Variants in VRK2 observed in about 807,000 individuals in gnomAD.
VRK2 encodes serine/threonine-protein kinase VRK2.
In VRK2, 60 loss-of-function variants were observed where a neutral mutation model predicts 57.6. The ratio of observed to expected loss-of-function variants is 1.04; its 90% CI spans 0.85 to 1.29. VRK2 has a LOEUF of 1.29. Ranked by LOEUF, VRK2 falls within the 50% of genes most tolerant of loss-of-function variation. VRK2 has a pLI of 0.00. For missense variants in VRK2, 705 were observed against 588.1 expected (o/e 1.20, Z -2.06); for synonymous variants, 231 against 199.2 (o/e 1.16, Z -1.35).
At chr2:57,949,209 G>A (rs1671351399) in intron 1 of VRK2, among the ~76,000 whole-genome samples, 1 of 151,926 alleles carries the variant, frequency 6.6e-6, no homozygotes, top group South Asian at 2.1e-4. Context: ...AAAATAGAAG[G>A]GCTCTGATAA....
At chr2:58,078,588 G>A (rs1055976388) in intron 2 of VRK2, among the ~76,000 whole-genome samples, 16 of 152,004 alleles carry the variant, frequency 1.1e-4, no homozygotes, top group Non-Finnish European at 2.2e-4. Context: ...TTTTTATAGT[G>A]ATGGGGTAAT....
intron 1 of VRK2, among the ~76,000 whole-genome samples, chr2:57,937,832 T>A (rs1053121928): frequency 7.0e-6 from 1 of 142,638 alleles, no homozygotes; most frequent in Non-Finnish European, 1.5e-5. Context: ...TCTTTCTTTT[T>A]TTTTTTTTTT....
chr2:58,115,540 G>C (rs1676313378), intron 7 of VRK2, among the ~76,000 whole-genome samples: 1 of 134,200 alleles, frequency 7.5e-6, no homozygotes. Context: ...AAGACAGTAA[G>C]GTCAATTTGT....
intron 1 of VRK2, among the ~76,000 whole-genome samples, chr2:57,933,058 T>C (rs1328455063): frequency 6.6e-6 from 1 of 152,126 alleles, no homozygotes; most frequent in African/African-American, 2.4e-5. Flanking sequence ...TTCAGTCTTC[T>C]TAAACTTTAT....
chr2:57,930,393 C>G (rs930152103), intron 1 of VRK2, among the ~76,000 whole-genome samples: 4 of 152,300 alleles, frequency 2.6e-5, no homozygotes, highest in Admixed American at 6.5e-5. Context: ...CTCCCTCCCC[C>G]AAACACATAG....
intron 1 of VRK2, among the ~76,000 whole-genome samples, chr2:57,988,733 C>A (rs545102103): frequency 6.6e-6 from 1 of 152,302 alleles, no homozygotes; most frequent in African/African-American, 2.4e-5. Context: ...AGACCTTCAA[C>A]TCCCCTGGTT....
chr2:57,925,178 T>A (rs1670490468), intron 1 of VRK2, among the ~76,000 whole-genome samples: 1 of 152,072 alleles, frequency 6.6e-6, no homozygotes, highest in African/African-American at 2.4e-5. Flanking sequence ...CTTTTTTTGA[T>A]ATATCTTTGT....
intron 2 of VRK2, among the ~76,000 whole-genome samples, chr2:58,054,844 T>C (rs1676281120): frequency 6.6e-6 from 1 of 152,216 alleles, no homozygotes; most frequent in African/African-American, 2.4e-5. Flanking sequence ...CTGAACACTC[T>C]GTTGTATTCT....
intron 2 of VRK2, among the ~76,000 whole-genome samples, chr2:58,077,271 C>T (rs2104057923): frequency 6.6e-6 from 1 of 152,014 alleles, no homozygotes; most frequent in South Asian, 2.1e-4. Context: ...TTGTGTAGAA[C>T]CTAGAACACC....
In VRK2 at chr2:58,029,518, T is replaced by C. The variant is rs776100393; in HGVS notation, c.-332-3709T>C. ...AAAGAAAAAGTTAAAAGTACTCCTATATTGACCAAACTCTTGACCGGAAGA... is the reference window on the plus strand; with the variant it reads ...AAAGAAAAAGTTAAAAGTACTCCTACATTGACCAAACTCTTGACCGGAAGA... On this transcript the variant is annotated intron_variant, in intron 2 of 15. Transcript: ENST00000417641. Among the ~76,000 whole-genome samples, 33 of 152,318 alleles carry C rather than the reference T, an allele frequency of 2.2e-4. 1 individual carries two copies. Among genetic ancestry groups the C allele is most frequent in the South Asian group, 2.1e-4 (1 of 4,828 alleles).
intron 10 of VRK2, among the ~76,000 whole-genome samples, chr2:58,139,054 A>G (rs1356029110): frequency 6.6e-6 from 1 of 151,782 alleles, no homozygotes; most frequent in East Asian, 1.9e-4. Flanking sequence ...AAAGATGGCA[A>G]CTCCTCCTCC....
chr2:58,090,579 C>G (rs1005905432), intron 7 of VRK2, among the ~76,000 whole-genome samples: 1 of 152,096 alleles, frequency 6.6e-6, no homozygotes, highest in Non-Finnish European at 1.5e-5. Context: ...CAGGAACTCT[C>G]ATTTGTTGCT....
At chr2:57,911,462 A>G (rs1209869873) in intron 1 of VRK2, among the ~76,000 whole-genome samples, 2 of 152,208 alleles carry the variant, frequency 1.3e-5, no homozygotes, top group African/African-American at 4.8e-5. Context: ...ATGGTCGCAG[A>G]AACCAGCTCT....
chr2:57,940,683 T>C (rs72947159), intron 1 of VRK2, among the ~76,000 whole-genome samples: 2,061 of 152,320 alleles, frequency 0.014, 74 homozygotes, highest in African/African-American at 0.047. Context: ...TTTATTTATA[T>C]GTTAGTTCTT....
At chr2:58,033,014 T>C (rs1184771664) in intron 2 of VRK2, among the ~76,000 whole-genome samples, 1 of 152,130 alleles carries the variant, frequency 6.6e-6, no homozygotes, top group African/African-American at 2.4e-5. Flanking sequence ...TACCATCACA[T>C]ATCATCACAT....
intron 1 of VRK2, among the ~76,000 whole-genome samples, chr2:57,939,144 C>G (rs1671012472): frequency 6.6e-6 from 1 of 152,276 alleles, no homozygotes; most frequent in Middle Eastern, 3.4e-3. Flanking sequence ...TGCTTGGAGC[C>G]AGTTCTCTTA....
chr2:57,956,190 G>A (rs1044677098), intron 1 of VRK2, among the ~76,000 whole-genome samples: 1 of 152,030 alleles, frequency 6.6e-6, no homozygotes, highest in Admixed American at 6.6e-5. Context: ...AAACCAGCCT[G>A]AGCAACATAG....
chr2:57,912,300 AC>A (rs1312876109), intron 1 of VRK2, among the ~76,000 whole-genome samples: 1 of 152,232 alleles, frequency 6.6e-6, no homozygotes, highest in Non-Finnish European at 1.5e-5. Context: ...CTGGGTTCAT[AC>A]TTTGAGTGAT....
chr2:58,054,964 G>T (rs1179309397), intron 2 of VRK2, among the ~76,000 whole-genome samples: 3 of 152,110 alleles, frequency 2.0e-5, no homozygotes, highest in Non-Finnish European at 4.4e-5. Context: ...TGTTAGCCAG[G>T]TAGATTTATC....
Sources: gnomAD v4.1 joint callset for allele counts (sites outside exome capture counted in the v4.1 genomes callset) on GRCh38, gnomAD v4.1.1 for gene constraint, MANE v1.5 for transcripts, NCBI Gene and HGNC (gene_info 2026-07-23, HGNC 2026-07-21) for gene names.